Variants in CACNA1B observed in about 807,000 individuals in gnomAD.
CACNA1B encodes the protein calcium voltage-gated channel subunit alpha1 B.
CACNA1B carries 70 observed loss-of-function variants against 247.2 expected under a neutral mutation model. That is an observed-to-expected ratio of 0.28 (90% CI 0.23 to 0.35). CACNA1B has a LOEUF of 0.35. CACNA1B is among the 10% of genes least tolerant of loss of function. CACNA1B has a pLI of 1.00. For synonymous variants in CACNA1B, 1,231 were observed against 1,294.4 expected (o/e 0.95, Z 1.05); for missense variants, 2,367 against 3,197.4 (o/e 0.74, Z 6.26).
intron 20 of CACNA1B, among the ~76,000 whole-genome samples, chr9:138,033,803 A>G (rs1447354230): frequency 6.6e-6 from 1 of 152,160 alleles, no homozygotes; most frequent in Non-Finnish European, 1.5e-5. Flanking sequence ...CGAGAACAGC[A>G]TAGGGGAAAC....
In CACNA1B at chr9:138,023,568, A is replaced by C. The variant is rs1958878505; in HGVS notation, c.2825A>C (p.Asp942Ala). 3.0e-5 allele frequency: 33 copies of C among 1,091,994 alleles called. No homozygotes were observed. The highest frequency in any genetic ancestry group is 3.5e-5 in the Non-Finnish European group (31 of 893,202). The allele number at this position is 1,091,994 out of a possible 1,614,324, so 67.6% of individuals were successfully genotyped here. Reference protein sequence around the residue: ...PRRHRAHRHQDPSKECAGAKG... With the variant: ...PRRHRAHRHQAPSKECAGAKG... ...CGCCACCGCGCGCACCGGCACCAGG[A>C]TCCGAGCAAGGAGTGCGCCGGCGCC... The change falls in exon 19 of 47, where the codon GAT becomes GCT. Residue 942 changes from aspartate to alanine, a missense_variant. Physicochemically the swap from Asp to Ala is moderately radical, Grantham distance 126. This residue lies in a region of CACNA1B where 631 missense variants were observed against 631.1 expected (regional missense o/e 1.00). Transcript: ENST00000371372.
chr9:138,059,303 A>G lies in CACNA1B; in HGVS notation c.4584+114A>G, dbSNP rs1959631079. On this transcript the variant is annotated intron_variant, in intron 30 of 46. Coordinates refer to ENST00000371372, the MANE Select transcript of CACNA1B (RefSeq NM_000718.4). This position sits in a 1 kb window ranked among gnomAD's most constrained non-coding sequence, Gnocchi z 4.2. The stretch of plus-strand genomic sequence containing the variant: ...AGCTGGGAATTCTCCGAGTACCCAG[A>G]GTATATGTAATGCTACAGGGGCCCT... The G allele has an allele frequency of 2.9e-6, 2 of 678,000 alleles. No individual in the cohort carries two copies. The highest frequency in any genetic ancestry group is 5.5e-6 in the Non-Finnish European group (2 of 366,576). 42.0% of individuals were successfully genotyped at this position (678,000 alleles called of 1,614,324 possible). A position where few individuals can be genotyped will look rare whatever the true frequency, so the allele number is the denominator to read the frequency against.
chr9:138,106,931 C>T (rs1961448324), intron 39 of CACNA1B, among the ~76,000 whole-genome samples: 2 of 152,186 alleles, frequency 1.3e-5, no homozygotes, highest in African/African-American at 2.4e-5. Context: ...CGTTGCTCGA[C>T]TCAAAGGCTG....
intron 36 of CACNA1B, among the ~76,000 whole-genome samples, chr9:138,088,842 C>T (rs903902541): frequency 6.6e-6 from 1 of 151,280 alleles, no homozygotes; most frequent in Non-Finnish European, 1.5e-5. Flanking sequence ...GCCTGTGGTC[C>T]CAAGTACTCA....
chr9:137,946,482 C>T (rs1483102823), intron 6 of CACNA1B, among the ~76,000 whole-genome samples: 2 of 152,162 alleles, frequency 1.3e-5, no homozygotes, highest in Admixed American at 1.3e-4. Flanking sequence ...GTCCTTCCCC[C>T]TTCCAGGCAG....
chr9:138,044,038 G>C, intron 21 of CACNA1B, 138 bp downstream of exon 21: 7 of 1,195,672 alleles, frequency 5.9e-6, no homozygotes, highest in Non-Finnish European at 8.3e-6. Context: ...GCAGACCCCA[G>C]AGGCACGTGC....
intron 39 of CACNA1B, among the ~76,000 whole-genome samples, 187 bp from the exon 40 acceptor site, chr9:138,112,211 G>A (rs979471735): frequency 6.6e-6 from 1 of 152,168 alleles, no homozygotes; most frequent in East Asian, 1.9e-4. Context: ...CTCGCAGCAG[G>A]GAGGGCTGTG....
At chr9:137,892,097 C>T (rs1379632246) in intron 3 of CACNA1B, 4 of 457,202 alleles carry the variant, frequency 8.7e-6, no homozygotes, top group East Asian at 6.9e-5. Flanking sequence ...CCTCCTCCCT[C>T]CCCGAGAAGT....
chr9:137,963,035 A>G (rs1297880841), intron 10 of CACNA1B, among the ~76,000 whole-genome samples: 2 of 152,166 alleles, frequency 1.3e-5, no homozygotes, highest in African/African-American at 4.8e-5. Flanking sequence ...TGAAGTCTCC[A>G]AGAACTTGCT....
intron 6 of CACNA1B, among the ~76,000 whole-genome samples, chr9:137,929,205 G>T (rs1957583268): frequency 6.6e-6 from 1 of 152,146 alleles, no homozygotes; most frequent in Non-Finnish European, 1.5e-5. Context: ...TACCAGCAGT[G>T]CACAAGGGCT....
chr9:138,017,371 G>A (rs1418867129), intron 18 of CACNA1B, among the ~76,000 whole-genome samples: 1 of 152,248 alleles, frequency 6.6e-6, no homozygotes, highest in South Asian at 2.1e-4. Context: ...GCTCCCTGAT[G>A]TCCCCAAGTC....
chr9:137,961,957 C>T (rs1443216691), intron 10 of CACNA1B, among the ~76,000 whole-genome samples: 1 of 152,146 alleles, frequency 6.6e-6, no homozygotes, highest in Non-Finnish European at 1.5e-5. Flanking sequence ...AGAATTGATA[C>T]CAGCTCATCT....
chr9:138,055,667 C>T (rs771498986), intron 26 of CACNA1B, among the ~76,000 whole-genome samples: 16 of 152,184 alleles, frequency 1.1e-4, no homozygotes, highest in Non-Finnish European at 8.8e-5. Context: ...ATCCAATTCA[C>T]CCAGCATCGT....
At chr9:138,107,267 T>TTTATTTATTTATG (rs1554759296) in intron 39 of CACNA1B, among the ~76,000 whole-genome samples, 20 of 147,312 alleles carry the variant, frequency 1.4e-4, no homozygotes, top group East Asian at 6.0e-4. Context: ...TATTTATTTA[T>TTTATTTATTTATG]ATAGGGTCTC....
chr9:138,123,977 C>A lies in CACNA1B; in HGVS notation c.*1978C>A, dbSNP rs1352141561. On this transcript the variant is annotated 3_prime_UTR_variant, in exon 47 of 47. Transcript: ENST00000371372. ...TGTCCATTCCATGCAGAACCACAGC[C>A]ATTTCCCCAGGCAGTGTTGGGTCGA... 6.6e-6 allele frequency: 1 copy of A among 152,250 alleles called. No individual in the cohort carries two copies. Among genetic ancestry groups the A allele is most frequent in the Non-Finnish European group, 1.5e-5 (1 of 68,060 alleles). The allele number at this position is 152,250 out of a possible 1,614,324, so 9.4% of individuals were successfully genotyped here.
chr9:138,045,894 G>A (rs1959180177), intron 21 of CACNA1B, among the ~76,000 whole-genome samples: 1 of 152,184 alleles, frequency 6.6e-6, no homozygotes, highest in South Asian at 2.1e-4. Flanking sequence ...GCCCTTGGGG[G>A]TTCGCAGGTG....
intron 10 of CACNA1B, among the ~76,000 whole-genome samples, chr9:137,966,448 C>T (rs987307504): frequency 4.0e-5 from 6 of 151,754 alleles, no homozygotes; most frequent in Non-Finnish European, 1.5e-5. Flanking sequence ...AGGATGGTCT[C>T]GATCTCCTGA....
chr9:137,908,323 C>A (rs1957320071), intron 3 of CACNA1B, among the ~76,000 whole-genome samples: 1 of 152,054 alleles, frequency 6.6e-6, no homozygotes, highest in South Asian at 2.1e-4. Flanking sequence ...CGAGACCAGC[C>A]TGGCCAACAT....
In CACNA1B at chr9:138,120,304, A is replaced by G. The variant is rs760846360; in HGVS notation, c.6170A>G (p.His2057Arg). ...ASSHHHHHRCHRRRDRKQRSL... is the reference protein window; with the variant it reads ...ASSHHHHHRCRRRRDRKQRSL... ...TCGCACCACCACCACCACCGCTGCC[A>G]CCGCCGCAGGGACAGGAAGCAGAGG... Residue 2057 changes from histidine (H) to arginine (R), a missense_variant, in exon 45 of 47, where the codon CAC (histidine) becomes CGC (arginine). By Grantham distance (29) the His-to-Arg change is conservative. Transcript: ENST00000371372. 3 of 1,562,210 alleles carry G rather than the reference A, an allele frequency of 1.9e-6. No homozygotes were observed. The South Asian group carries it at 3.5e-5, about 18-fold the overall frequency.
Sources: gnomAD v4.1 joint callset for allele counts (sites outside exome capture counted in the v4.1 genomes callset) on GRCh38, gnomAD v4.1.1 for gene constraint, gnomAD v4.1.1 regional missense constraint, Gnocchi (gnomAD v3.1) non-coding constraint, MANE v1.5 for transcripts, NCBI Gene and HGNC (gene_info 2026-07-23, HGNC 2026-07-21) for gene names.